SOX6: variants seen among roughly 807,000 people sequenced by gnomAD.
SOX6 encodes transcription factor SOX-6.
In SOX6, 11 loss-of-function variants were observed where a neutral mutation model predicts 97.8. That is an observed-to-expected ratio of 0.11 (90% CI 0.07 to 0.19). The LOEUF (loss-of-function observed/expected upper bound fraction) is 0.19. Among genes scored for constraint, SOX6 ranks in the 10% least tolerant of loss-of-function variants. The pLI is 1.00. For missense variants in SOX6, 810 were observed against 1,039.5 expected (o/e 0.78, Z 3.04); for synonymous variants, 360 against 371.4 (o/e 0.97, Z 0.35).
intron 2 of SOX6, among the ~76,000 whole-genome samples, chr11:16,335,705 T>C (rs1435248187): frequency 6.6e-6 from 1 of 152,214 alleles, no homozygotes; most frequent in Non-Finnish European, 1.5e-5. Flanking sequence ...ATTGTTATCA[T>C]GTAATGACAA....
chr11:16,090,219 A>G (rs1027968848), intron 9 of SOX6, among the ~76,000 whole-genome samples: 2 of 152,096 alleles, frequency 1.3e-5, no homozygotes, highest in African/African-American at 4.8e-5. Flanking sequence ...AAAATCTTGT[A>G]TCAGGAGAGA....
At chr11:16,253,759 A>C (rs1328602736) in intron 3 of SOX6, among the ~76,000 whole-genome samples, 4 of 152,110 alleles carry the variant, frequency 2.6e-5, no homozygotes, top group Non-Finnish European at 5.9e-5. Flanking sequence ...TAATGGGAAT[A>C]CCAGAAGGAA....
intron 1 of SOX6, among the ~76,000 whole-genome samples, chr11:16,449,220 A>T (rs1446949231): frequency 6.6e-6 from 1 of 150,750 alleles, no homozygotes; most frequent in Non-Finnish European, 1.5e-5. Context: ...GAACGAGCAG[A>T]AGTATTGGGT....
chr11:16,721,504 C>CTGTCTG (rs1211066418), intron 2 of SOX6, among the ~76,000 whole-genome samples: 1 of 9,156 alleles, frequency 1.1e-4, no homozygotes, highest in African/African-American at 4.1e-4. Context: ...TTTTCTGTCT[C>CTGTCTG]TCTCTCTCTC....
At chr11:16,105,967 A>G (rs943499737) in intron 7 of SOX6, among the ~76,000 whole-genome samples, 6 of 152,152 alleles carry the variant, frequency 3.9e-5, no homozygotes, top group African/African-American at 1.2e-4. Context: ...TATTAAAAAG[A>G]ACTAAACACT....
chr11:16,226,701 G>T (rs1338151202), intron 4 of SOX6, among the ~76,000 whole-genome samples: 2 of 149,746 alleles, frequency 1.3e-5, no homozygotes, highest in Non-Finnish European at 3.0e-5. Context: ...CCTACCAGTA[G>T]TTCTGTCTTA....
chr11:16,149,597 G>A (rs889264233), intron 6 of SOX6, among the ~76,000 whole-genome samples: 2 of 151,962 alleles, frequency 1.3e-5, no homozygotes, highest in African/African-American at 4.8e-5. Flanking sequence ...AACCTGCTAG[G>A]GACAAAACTG....
chr11:16,398,494 G>A (rs1288468128), intron 1 of SOX6, among the ~76,000 whole-genome samples: 3 of 151,418 alleles, frequency 2.0e-5, no homozygotes, highest in East Asian at 1.9e-4. Flanking sequence ...TTGGGAGAAA[G>A]TTAACATAGC....
chr11:16,133,698 G>A (rs562772150), intron 6 of SOX6, among the ~76,000 whole-genome samples: 1 of 149,924 alleles, frequency 6.7e-6, no homozygotes, highest in African/African-American at 2.5e-5. Flanking sequence ...GTTTTGTTTT[G>A]TTTGTTTTGA....
At chr11:16,010,184 T>C (rs1854676665) in intron 13 of SOX6, among the ~76,000 whole-genome samples, 1 of 139,008 alleles carries the variant, frequency 7.2e-6, no homozygotes, top group Non-Finnish European at 1.6e-5. Context: ...AAATAAAGCT[T>C]CAGAAGGGTA....
At chr11:16,437,074 T>C (rs1015838772) in intron 1 of SOX6, among the ~76,000 whole-genome samples, 6 of 149,172 alleles carry the variant, frequency 4.0e-5, no homozygotes, top group African/African-American at 7.5e-5. Context: ...CTGGTCAACA[T>C]AGTGAGACTC....
intron 4 of SOX6, among the ~76,000 whole-genome samples, chr11:16,200,392 A>T (rs1851902807): frequency 6.6e-6 from 1 of 152,186 alleles, no homozygotes; most frequent in Non-Finnish European, 1.5e-5. Flanking sequence ...CCCATTTGAG[A>T]ATCCTGTTCT....
At chr11:16,225,303 GT>G (rs746448739) in intron 4 of SOX6, among the ~76,000 whole-genome samples, 5 of 151,482 alleles carry the variant, frequency 3.3e-5, no homozygotes. Context: ...AGCATTTCTA[GT>G]TTTTTTTAAG....
At chr11:16,641,762 C>T (rs374844743) in intron 3 of SOX6, among the ~76,000 whole-genome samples, 1 of 152,002 alleles carries the variant, frequency 6.6e-6, no homozygotes, top group Non-Finnish European at 1.5e-5. Flanking sequence ...TTGCTTGGTA[C>T]ATCTTCCTCC....
chr11:16,401,921 G>T (rs1858568705), intron 1 of SOX6, among the ~76,000 whole-genome samples: 1 of 151,408 alleles, frequency 6.6e-6, no homozygotes, highest in African/African-American at 2.4e-5. Flanking sequence ...ATCAAGAGAT[G>T]ATGTTTTTGC....
intron 15 of SOX6, among the ~76,000 whole-genome samples, chr11:15,980,137 A>G (rs1312286761): frequency 6.6e-6 from 1 of 152,116 alleles, no homozygotes; most frequent in Admixed American, 6.6e-5. Context: ...AACCATCTTT[A>G]GACGCTTGAA....
intron 3 of SOX6, among the ~76,000 whole-genome samples, chr11:16,636,066 C>T (rs1848782970): frequency 6.6e-6 from 1 of 152,202 alleles, no homozygotes; most frequent in Non-Finnish European, 1.5e-5. Context: ...GGGGCACTGC[C>T]TAGTGGTGCT....
At chr11:16,186,582 T>C (rs1173603242) in intron 5 of SOX6, among the ~76,000 whole-genome samples, 1 of 152,168 alleles carries the variant, frequency 6.6e-6, no homozygotes, top group Non-Finnish European at 1.5e-5. Context: ...GTTGCTATGA[T>C]GCCTTTTTTG....
At chr11:16,166,674 G>C (rs1191251719) in intron 6 of SOX6, among the ~76,000 whole-genome samples, 1 of 152,206 alleles carries the variant, frequency 6.6e-6, no homozygotes, top group Admixed American at 6.5e-5. Context: ...AAGCTCAGAA[G>C]AGAAAGAGAT....
Sources: gnomAD v4.1 joint callset for allele counts (sites outside exome capture counted in the v4.1 genomes callset) on GRCh38, gnomAD v4.1.1 for gene constraint, MANE v1.5 for transcripts, NCBI Gene and HGNC (gene_info 2026-07-23, HGNC 2026-07-21) for gene names.